Variants in TRAPPC10 observed in about 807,000 individuals in gnomAD.
TRAPPC10 encodes the protein trafficking protein particle complex subunit 10.
A neutral mutation model predicts 125.5 loss-of-function variants in TRAPPC10; 23 were observed. The observed-to-expected ratio is 0.18, with a 90% confidence interval of 0.13 to 0.26. The LOEUF (loss-of-function observed/expected upper bound fraction) is 0.26. Ranked by LOEUF, TRAPPC10 falls within the 10% of genes least tolerant of loss-of-function variation. TRAPPC10 has a pLI of 1.00. For synonymous variants in TRAPPC10, 509 were observed against 518.0 expected (o/e 0.98, Z 0.24); for missense variants, 1,123 against 1,308.4 (o/e 0.86, Z 2.19).
chr21:44,087,469 C>T lies in TRAPPC10; in HGVS notation c.2540-230C>T, dbSNP rs1340399587. On this transcript the variant is annotated intron_variant, in intron 16 of 22. Transcript: ENST00000291574. The surrounding 1 kb of genome is among the most constrained non-coding windows in gnomAD (Gnocchi z 4.6). ...CTTGGGTGGGCCCCGTGGGAAATGCCCTTTTCCTCTCTTCAGATTGAGATC... is the reference window on the plus strand; with the variant it reads ...CTTGGGTGGGCCCCGTGGGAAATGCTCTTTTCCTCTCTTCAGATTGAGATC... Among the ~76,000 whole-genome samples the T allele has an allele frequency of 6.6e-6, 1 of 152,198 alleles. No individual in the cohort carries two copies. Among genetic ancestry groups the T allele is most frequent in the African/African-American group, 2.4e-5 (1 of 41,444 alleles).
chr21:44,039,832 C>G (rs2034287749), intron 3 of TRAPPC10, among the ~76,000 whole-genome samples: 1 of 152,026 alleles, frequency 6.6e-6, no homozygotes, highest in Admixed American at 6.5e-5. Context: ...CTACTGCACT[C>G]TAGTCTGGGA....
chr21:44,012,333 G>A lies in TRAPPC10; in HGVS notation c.-161G>A, dbSNP rs1601519525. On this transcript the variant is annotated 5_prime_UTR_variant, in exon 1 of 23. Coordinates refer to ENST00000291574, the MANE Select transcript of TRAPPC10 (RefSeq NM_003274.5). ...CGGCGCCGAGGCCGGAAGTGGCTGA[G>A]GCCGGCAGCAGCGGGCGGCAGCTGC... 1 of 201,304 alleles carries A rather than the reference G, an allele frequency of 5.0e-6. No individual in the cohort carries two copies. Among genetic ancestry groups the A allele is most frequent in the Non-Finnish European group, 8.8e-6 (1 of 113,486 alleles). 12.5% of individuals were successfully genotyped at this position (201,304 alleles called of 1,614,324 possible).
chr21:44,095,154 C>A (rs1001191755), intron 20 of TRAPPC10, among the ~76,000 whole-genome samples: 1 of 150,644 alleles, frequency 6.6e-6, no homozygotes, highest in Non-Finnish European at 1.5e-5. Context: ...GGCTCATTAT[C>A]TTCCCACCTC....
intron 1 of TRAPPC10, among the ~76,000 whole-genome samples, 180 bp downstream of exon 1, chr21:44,012,740 G>C (rs1601521561): frequency 6.6e-6 from 1 of 152,128 alleles, no homozygotes; most frequent in East Asian, 1.9e-4. Flanking sequence ...GACGCCCTCT[G>C]ACCTTCCCGC....
intron 1 of TRAPPC10, among the ~76,000 whole-genome samples, chr21:44,014,595 T>TTG (rs1158810236): frequency 1.4e-5 from 2 of 142,416 alleles, no homozygotes; most frequent in African/African-American, 5.8e-5. Flanking sequence ...TTGTTTTTGT[T>TTG]TTTTTTTTTT....
intron 1 of TRAPPC10, among the ~76,000 whole-genome samples, chr21:44,012,768 CT>C (rs2031285327): frequency 6.6e-6 from 1 of 151,962 alleles, no homozygotes; most frequent in Non-Finnish European, 1.5e-5. Context: ...CCTCTGACCC[CT>C]GGGGGGCGCC....
At chr21:44,072,644 A>G (rs2036964991) in intron 7 of TRAPPC10, among the ~76,000 whole-genome samples, 1 of 152,088 alleles carries the variant, frequency 6.6e-6, no homozygotes, top group African/African-American at 2.4e-5. Context: ...TTGTATTTTT[A>G]GTAGAGATGG....
chr21:44,074,063 C>T (rs913146016), intron 7 of TRAPPC10, among the ~76,000 whole-genome samples: 4 of 152,028 alleles, frequency 2.6e-5, no homozygotes, highest in Admixed American at 1.3e-4. Flanking sequence ...TTCAAAAATA[C>T]AATAATTGAA....
intron 1 of TRAPPC10, among the ~76,000 whole-genome samples, chr21:44,024,478 T>G (rs1404159196): frequency 6.6e-6 from 1 of 152,220 alleles, no homozygotes; most frequent in Non-Finnish European, 1.5e-5. Flanking sequence ...CCTCATTACA[T>G]AGACTCTGAA....
intron 8 of TRAPPC10, 128 bp from the exon 9 acceptor site, chr21:44,074,911 G>C: frequency 1.4e-6 from 1 of 692,896 alleles, no homozygotes; most frequent in East Asian, 2.7e-5. Context: ...ATCCAGATTT[G>C]AGTCATTGGG....
intron 3 of TRAPPC10, among the ~76,000 whole-genome samples, chr21:44,049,208 G>T (rs769828504): frequency 2.0e-5 from 3 of 152,138 alleles, no homozygotes; most frequent in South Asian, 4.1e-4. Flanking sequence ...TCTGTATTTC[G>T]TGTGTAGCTG....
chr21:44,051,830 G>T (rs2035252171), intron 3 of TRAPPC10, among the ~76,000 whole-genome samples: 1 of 152,222 alleles, frequency 6.6e-6, no homozygotes, highest in African/African-American at 2.4e-5. Context: ...GTTCCTGTGG[G>T]CAGTCTGGGC....
At chr21:44,095,018 ATAG>A (rs1191135514) in intron 20 of TRAPPC10, among the ~76,000 whole-genome samples, 2 of 148,906 alleles carry the variant, frequency 1.3e-5, no homozygotes, top group African/African-American at 4.9e-5. Flanking sequence ...AAATCAAATA[ATAG>A]TATATATTAT....
At chr21:44,046,793 C>T (rs1228584114) in intron 3 of TRAPPC10, 1 of 521,128 alleles carries the variant, frequency 1.9e-6, no homozygotes, top group Non-Finnish European at 3.6e-6. Flanking sequence ...CAGGCATAAG[C>T]CACCGCACCC....
chr21:44,015,667 T>C (rs972230592), intron 1 of TRAPPC10, among the ~76,000 whole-genome samples: 8 of 151,316 alleles, frequency 5.3e-5, no homozygotes, highest in Admixed American at 4.0e-4. Context: ...CAGGCTGGAG[T>C]GCAGTGGCGC....
Position 44,063,405 on chromosome 21 carries a change from A to G in TRAPPC10, c.791-133A>G. ...GGAGCCGAATGCATCACTAGACCAC[A>G]GGGGGTGGGCCAGTGTTCATAGAAA... On this transcript the variant is annotated intron_variant, in intron 6 of 22. Transcript: ENST00000291574. The surrounding 1 kb of genome is among the most constrained non-coding windows in gnomAD (Gnocchi z 4.4). 1 of 1,346,664 alleles carries G rather than the reference A, an allele frequency of 7.4e-7. No individual in the cohort carries two copies. The highest frequency in any genetic ancestry group is 2.3e-5 in the East Asian group (1 of 43,220). The allele number at this position is 1,346,664 out of a possible 1,614,324, so 83.4% of individuals were successfully genotyped here.
At position 44,042,977 on chromosome 21, in the gene TRAPPC10, G is replaced by A. The variant is rs185192885; in HGVS notation, c.285+5050G>A. On this transcript the variant is annotated intron_variant, in intron 3 of 22. Coordinates refer to ENST00000291574, the MANE Select transcript of TRAPPC10 (RefSeq NM_003274.5). ...TATGTCTTATATTGGGACCCGTATA[G>A]CTTCAAATTATTTATATATATTAGG... is the stretch of plus-strand genomic sequence containing the variant. 2.2e-3 allele frequency among the ~76,000 whole-genome samples: 340 copies of A among 152,062 alleles called. 2 individuals carry two copies. Among genetic ancestry groups the A allele is most frequent in the Non-Finnish European group, 3.4e-3 (234 of 67,994 alleles).
intron 4 of TRAPPC10, among the ~76,000 whole-genome samples, chr21:44,054,289 T>C (rs939175060): frequency 3.3e-5 from 5 of 152,310 alleles, no homozygotes; most frequent in East Asian, 3.9e-4. Context: ...CACCAAGTTA[T>C]AAGTTTTCTT....
Position 44,064,757 on chromosome 21 carries a change from G to A in TRAPPC10, c.1038+972G>A, listed in dbSNP as rs534626678. Among the ~76,000 whole-genome samples, 15 of 152,206 alleles carry A rather than the reference G, an allele frequency of 9.9e-5. No individual in the cohort carries two copies. In the South Asian group the frequency reaches 3.1e-3, roughly 32 times the overall value. On this transcript the variant is annotated intron_variant, in intron 7 of 22. Transcript: ENST00000291574. ...AGATTTAAACTTTAATTAATGAAGA[G>A]AAATATATTTTAGTTAATTTCAAAA...
Sources: gnomAD v4.1 joint callset for allele counts (sites outside exome capture counted in the v4.1 genomes callset) on GRCh38, gnomAD v4.1.1 for gene constraint, Gnocchi (gnomAD v3.1) non-coding constraint, MANE v1.5 for transcripts, NCBI Gene and HGNC (gene_info 2026-07-23, HGNC 2026-07-21) for gene names.